CNTFR: variants seen among roughly 807,000 people sequenced by gnomAD.
CNTFR encodes the protein ciliary neurotrophic factor receptor, also known as ciliary neurotrophic factor receptor subunit alpha.
CNTFR carries 12 observed loss-of-function variants against 40.4 expected under a neutral mutation model. The observed-to-expected ratio is 0.30, with a 90% CI of 0.19 to 0.48. The LOEUF (loss-of-function observed/expected upper bound fraction) is 0.48, where lower values mean the gene tolerates loss of function less well. Ranked by LOEUF, CNTFR falls within the 20% of genes least tolerant of loss-of-function variation. The pLI is 0.99. For missense variants in CNTFR, 414 were observed against 506.8 expected (o/e 0.82, Z 1.76); for synonymous variants, 202 against 209.6 (o/e 0.96, Z 0.31).
chr9:34,559,241 G>A (rs1457479191), intron 4 of CNTFR, among the ~76,000 whole-genome samples: 1 of 152,192 alleles, frequency 6.6e-6, no homozygotes, highest in Admixed American at 6.5e-5. Context: ...CAGTGTGCAC[G>A]TGACTGTGAG....
At chr9:34,575,777 CAG>C (rs1214833833) in intron 2 of CNTFR, among the ~76,000 whole-genome samples, 1 of 151,798 alleles carries the variant, frequency 6.6e-6, no homozygotes, top group African/African-American at 2.4e-5. Flanking sequence ...GTCGTTCTGA[CAG>C]AGCCAGAGTT....
At position 34,552,021 on chromosome 9, in the gene CNTFR, G is replaced by T; in HGVS notation, c.*50C>A. On this transcript the variant is annotated 3_prime_UTR_variant, in exon 10 of 10. Coordinates refer to ENST00000378980, the MANE Select transcript of CNTFR (RefSeq NM_147164.3). The surrounding 1 kb of genome is among the most constrained non-coding windows in gnomAD (Gnocchi z 5.1). ...ACCGGGGTCTGCAGGCTCAGCTCCG[G>T]CCTCCTGCTCCTCTGCAGGTGCTCT... is the stretch of plus-strand genomic sequence containing the variant. 9.3e-7 allele frequency: 1 copy of T among 1,075,346 alleles called. No homozygotes were observed. The allele number at this position is 1,075,346 out of a possible 1,614,324, so 66.6% of individuals were successfully genotyped here.
intron 2 of CNTFR, among the ~76,000 whole-genome samples, chr9:34,577,822 G>C (rs1827058698): frequency 6.7e-6 from 1 of 149,244 alleles, no homozygotes; most frequent in Admixed American, 6.7e-5. Flanking sequence ...GGGGCTGGGG[G>C]GAGAGACAGA....
intron 3 of CNTFR, among the ~76,000 whole-genome samples, chr9:34,566,884 C>G (rs116487176): frequency 2.0e-5 from 3 of 152,056 alleles, no homozygotes; most frequent in Non-Finnish European, 4.4e-5. Context: ...AGAAACGCAA[C>G]CTGACAATAA....
chr9:34,573,875 CAG>C (rs1323600928), intron 2 of CNTFR, among the ~76,000 whole-genome samples: 1 of 152,198 alleles, frequency 6.6e-6, no homozygotes, highest in Non-Finnish European at 1.5e-5. Flanking sequence ...AGCAGAGAAA[CAG>C]AGATACATAG....
intron 1 of CNTFR, among the ~76,000 whole-genome samples, chr9:34,587,290 A>C (rs755741378): frequency 2.2e-4 from 34 of 152,142 alleles, no homozygotes; most frequent in Non-Finnish European, 4.0e-4. Flanking sequence ...GCTTATATGG[A>C]GTCCTAGTGT....
rs79722631 is a variant in CNTFR, at chr9:34,566,619, A to G, written c.86-1787T>C. ...CCCCTCTCTCTGCACCCCCTAGCAG[A>G]GACTTTGCATCCAGCTGCCTGAGGA... On this transcript the variant is annotated intron_variant, in intron 3 of 9. Coordinates refer to ENST00000378980, the MANE Select transcript of CNTFR (RefSeq NM_147164.3). Among the ~76,000 whole-genome samples, 587 of 152,240 alleles carry G rather than the reference A, an allele frequency of 3.9e-3. 16 individuals carry two copies. In the East Asian group the frequency reaches 0.083, roughly 21 times the overall value.
rs1158740034 is a variant in CNTFR at position 34,557,947 on chromosome 9, G to A, written c.357C>T (p.Asn119=). Residue 119 remains asparagine, a synonymous_variant, in exon 5 of 10, where the codon AAC becomes AAT. Transcript: ENST00000378980. The surrounding 1 kb of genome is among the most constrained non-coding windows in gnomAD (Gnocchi z 4.2). ...PREPVLSCRS[N]TYPKGFYCSW... Reference sequence around the variant, plus strand: ...TGCAGTAGAAGCCCTTGGGGTAAGTGTTGGAGCGGCAGCTGAGCACAGGCT... The same window carrying A: ...TGCAGTAGAAGCCCTTGGGGTAAGTATTGGAGCGGCAGCTGAGCACAGGCT... 8 of 1,565,142 alleles carry A rather than the reference G, an allele frequency of 5.1e-6. 1 individual carries two copies. The highest frequency in any genetic ancestry group is 3.6e-5 in the South Asian group (3 of 82,458).
intron 4 of CNTFR, among the ~76,000 whole-genome samples, chr9:34,559,089 C>T (rs1427516783): frequency 6.6e-6 from 1 of 152,134 alleles, no homozygotes; most frequent in African/African-American, 2.4e-5. Flanking sequence ...CCTGTGCCTC[C>T]CCCCTCCCCC....
chr9:34,587,427 G>C (rs1480848029), intron 1 of CNTFR, among the ~76,000 whole-genome samples: 1 of 152,114 alleles, frequency 6.6e-6, no homozygotes, highest in Non-Finnish European at 1.5e-5. Context: ...GAATCTGAGT[G>C]AGTCACAGGA....
At chr9:34,582,541 A>C (rs991773454) in intron 1 of CNTFR, 3 of 152,232 alleles carry the variant, frequency 2.0e-5, no homozygotes, top group African/African-American at 7.2e-5. Flanking sequence ...CAGGTCCCAG[A>C]TATATCTGCC....
In CNTFR at chr9:34,572,667, T is replaced by C. The variant is rs538462545; in HGVS notation, c.1-3686A>G. 1.4e-4 allele frequency among the ~76,000 whole-genome samples: 21 copies of C among 152,292 alleles called. No individual in the cohort carries two copies. In the South Asian group the frequency reaches 4.1e-3, roughly 30 times the overall value. ...ATTCTGGGGCCCCAACTTACTGCCA[T>C]TGTCCCACTGTGGCATAAAGATACC... On this transcript the variant is annotated intron_variant, in intron 2 of 9. Coordinates refer to ENST00000378980, the MANE Select transcript of CNTFR (RefSeq NM_147164.3).
intron 4 of CNTFR, among the ~76,000 whole-genome samples, chr9:34,560,676 T>A (rs1258158590): frequency 6.6e-6 from 1 of 152,152 alleles, no homozygotes; most frequent in African/African-American, 2.4e-5. Context: ...GCAAATGCTC[T>A]TATGCACACA....
At chr9:34,559,374 G>A (rs1057224555) in intron 4 of CNTFR, among the ~76,000 whole-genome samples, 2 of 152,190 alleles carry the variant, frequency 1.3e-5, no homozygotes, top group African/African-American at 4.8e-5. Context: ...AGAGGCATCA[G>A]AACTCCAGGG....
intron 2 of CNTFR, among the ~76,000 whole-genome samples, chr9:34,578,626 C>A (rs562914337): frequency 6.6e-6 from 1 of 152,340 alleles, no homozygotes; most frequent in South Asian, 2.1e-4. Context: ...CACCTCAAGG[C>A]CCAGCTCACT....
intron 4 of CNTFR, among the ~76,000 whole-genome samples, chr9:34,561,607 A>G (rs1826079548): frequency 6.6e-6 from 1 of 152,240 alleles, no homozygotes; most frequent in African/African-American, 2.4e-5. Context: ...GGAGACTTCC[A>G]ACAGAATACT....
In CNTFR at chr9:34,557,854, C is replaced by T. The variant is rs368169266; in HGVS notation, c.437+13G>A. The T allele has an allele frequency of 2.1e-5, 32 of 1,553,222 alleles. No individual in the cohort carries two copies. The highest frequency in any genetic ancestry group is 1.7e-4 in the Middle Eastern group (1 of 5,762). On this transcript the variant is annotated intron_variant, in intron 5 of 9. Coordinates refer to ENST00000378980, the MANE Select transcript of CNTFR (RefSeq NM_147164.3). The surrounding 1 kb of genome is among the most constrained non-coding windows in gnomAD (Gnocchi z 4.2). ...GTCAGGGCTGGACCCGGGTCACAGG[C>T]GCAGCTACTCACAGCACAGTCACAT...
chr9:34,567,349 G>A (rs375334410), intron 3 of CNTFR, among the ~76,000 whole-genome samples: 18 of 152,162 alleles, frequency 1.2e-4, no homozygotes, highest in East Asian at 1.2e-3. Flanking sequence ...CAGGCTCACA[G>A]GGGGACCACA....
chr9:34,581,909 T>C (rs186833060), intron 1 of CNTFR, among the ~76,000 whole-genome samples: 2 of 152,348 alleles, frequency 1.3e-5, no homozygotes, highest in Admixed American at 1.3e-4. Flanking sequence ...CAGGTATCAC[T>C]TGTTCAGGGT....
Sources: gnomAD v4.1 joint callset for allele counts (sites outside exome capture counted in the v4.1 genomes callset) on GRCh38, gnomAD v4.1.1 for gene constraint, Gnocchi (gnomAD v3.1) non-coding constraint, MANE v1.5 for transcripts, NCBI Gene and HGNC (gene_info 2026-07-23, HGNC 2026-07-21) for gene names.